The following ACO2 variants were observed in gnomAD, a reference collection of about 807,000 sequenced individuals.
ACO2 encodes aconitase 2, also known as aconitate hydratase, mitochondrial.
A neutral mutation model predicts 84.5 loss-of-function variants in ACO2; 31 were observed. That is an observed-to-expected ratio of 0.37 (90% CI 0.28 to 0.50). ACO2 has a LOEUF of 0.50. Ranked by LOEUF, ACO2 falls within the 20% of genes least tolerant of loss-of-function variation. The probability of loss-of-function intolerance (pLI) is 0.97; values close to 1 mark genes in which losing one functional copy is unlikely to be tolerated. For synonymous variants in ACO2, 414 were observed against 412.7 expected (o/e 1.00, Z -0.04); for missense variants, 685 against 1,029.3 (o/e 0.67, Z 4.58).
intron 1 of ACO2, among the ~76,000 whole-genome samples, chr22:41,473,341 AT>A (rs1214631199): frequency 7.2e-5 from 11 of 152,298 alleles, no homozygotes; most frequent in Admixed American, 7.2e-4. Context: ...CCAATAGCTA[AT>A]AAAAACACAA....
In ACO2 at chr22:41,524,958, T is replaced by C; in HGVS notation, c.1595T>C (p.Leu532Pro). 1.2e-6 allele frequency: 2 copies of C among 1,614,154 alleles called. No homozygotes were observed. The highest frequency in any genetic ancestry group is 1.7e-6 in the Non-Finnish European group (2 of 1,180,022). ...CTGGAGGCTCCGGATGCAGATGAGC[T>C]TCCCAAAGGGGTGAGCGCCCACGCC... ...FRLEAPDADE[L>P]PKGEFDPGQD... Residue 532 changes from leucine to proline, a missense_variant, in exon 13 of 18, where the codon CTT (leucine) becomes CCT (proline). By Grantham distance (98) the Leu-to-Pro change is moderately conservative. Coordinates refer to ENST00000216254, the MANE Select transcript of ACO2 (RefSeq NM_001098.3).
rs181755513 is a variant in ACO2 at position 41,527,585 on chromosome 22, C to T, written c.2086+165C>T. ...TTAGGCTCACACAGTGCACATCCGA[C>T]GCTCAGCTTCCCGGCTTCCCGCAGG... is the stretch of plus-strand genomic sequence containing the variant. On this transcript the variant is annotated intron_variant, in intron 16 of 17. Transcript: ENST00000216254. 1.2e-4 allele frequency: 118 copies of T among 1,015,220 alleles called. No homozygotes were observed. The African/African-American group carries it at 1.3e-3, about 11-fold the overall frequency. The allele number at this position is 1,015,220 out of a possible 1,614,324, so 62.9% of individuals were successfully genotyped here.
At position 41,515,424 on chromosome 22, in the gene ACO2, T is replaced by C. The variant is rs527722269; in HGVS notation, c.573T>C (p.Thr191=). 1.4e-4 allele frequency: 220 copies of C among 1,613,672 alleles called. No individual in the cohort carries two copies. Among genetic ancestry groups the C allele is most frequent in the Middle Eastern group, 1.0e-3 (6 of 5,734 alleles). ...YAYPGVLLIG[T]DSHTPNGGGL... is the part of the protein sequence containing the mutation. Reference sequence around the variant, plus strand: ...ACCCTGGTGTTCTTCTGATTGGCACTGACTCCCACACCCCCAATGGTGGCG... The same window carrying C: ...ACCCTGGTGTTCTTCTGATTGGCACCGACTCCCACACCCCCAATGGTGGCG... The change falls in exon 5 of 18, where the codon ACT becomes ACC. Residue 191 remains threonine, a synonymous_variant. Transcript: ENST00000216254. The surrounding 1 kb of genome is among the most constrained non-coding windows in gnomAD (Gnocchi z 5.8).
chr22:41,499,683 C>T, intron 1 of ACO2, 43 bp from the exon 2 acceptor site: 2 of 1,601,850 alleles, frequency 1.2e-6, no homozygotes, highest in Non-Finnish European at 1.7e-6. Context: ...ATGGACTCTC[C>T]TAAGTGCTCC....
Position 41,511,891 on chromosome 22 carries a change from G to A in ACO2, c.448G>A (p.Val150Ile). 6.2e-7 allele frequency: 1 copy of A among 1,609,612 alleles called. No homozygotes were observed. ...GTCTCAATAGGACATCAACCAGGAA[G>A]TTTATAATTTCCTGGCAACTGCAGG... ...LRRAKDINQE[V>I]YNFLATAGAK... is the part of the protein sequence containing the mutation. Residue 150 changes from valine to isoleucine, a missense_variant, in exon 4 of 18, where the codon GTT (valine) becomes ATT (isoleucine). Transcript: ENST00000216254.
At chr22:41,524,776 G>A (rs1368535822) in intron 12 of ACO2, 70 bp from the exon 13 acceptor site, 23 of 1,602,674 alleles carry the variant, frequency 1.4e-5, no homozygotes, top group Non-Finnish European at 2.0e-5. Context: ...TTTGGCCTAG[G>A]CTTTTGGTAG....
rs769265393 is a variant in ACO2 at position 41,526,232 on chromosome 22, G to A, written c.1762-30G>A. Reference sequence around the variant, plus strand: ...ATCCACCCCTCCAGGGCCATGCCCTGACCTCTGTCCTCTCTACTTACCACC... The same window carrying A: ...ATCCACCCCTCCAGGGCCATGCCCTAACCTCTGTCCTCTCTACTTACCACC... On this transcript the variant is annotated intron_variant, in intron 14 of 17. Transcript: ENST00000216254. The A allele has an allele frequency of 4.4e-6, 7 of 1,597,140 alleles. No individual in the cohort carries two copies. In the African/African-American group the frequency reaches 6.7e-5, roughly 15 times the overall value.
At chr22:41,513,813 AC>A (rs928020783) in intron 4 of ACO2, among the ~76,000 whole-genome samples, 2 of 151,230 alleles carry the variant, frequency 1.3e-5, no homozygotes, top group African/African-American at 4.9e-5. Context: ...CCCAGCCCTC[AC>A]CCCCATCTGT....
At chr22:41,469,337 T>C in intron 1 of ACO2, 155 bp downstream of exon 1, 1 of 879,454 alleles carries the variant, frequency 1.1e-6, no homozygotes, top group Non-Finnish European at 1.7e-6. Context: ...CCCGCTTCTC[T>C]GGTGCCCTAG....
At chr22:41,527,601 T>C (rs1017816969) in intron 16 of ACO2, 181 bp downstream of exon 16, 1 of 919,914 alleles carries the variant, frequency 1.1e-6, no homozygotes. Flanking sequence ...GCTTCCCGGC[T>C]TCCCGCAGGC....
At chr22:41,501,552 T>C (rs887625583) in intron 2 of ACO2, among the ~76,000 whole-genome samples, 1 of 152,178 alleles carries the variant, frequency 6.6e-6, no homozygotes, top group Non-Finnish European at 1.5e-5. Flanking sequence ...CTTTGATTGA[T>C]TGGAACCTGA....
At chr22:41,474,259 A>AT (rs1052725476) in intron 1 of ACO2, among the ~76,000 whole-genome samples, 1 of 147,914 alleles carries the variant, frequency 6.8e-6, no homozygotes, top group Non-Finnish European at 1.5e-5. Flanking sequence ...GGTGAGCTTG[A>AT]TTGAATTCAG....
chr22:41,477,236 C>T (rs2038028032), intron 1 of ACO2, among the ~76,000 whole-genome samples: 1 of 151,632 alleles, frequency 6.6e-6, no homozygotes, highest in African/African-American at 2.4e-5. Context: ...TCAGTTCAAG[C>T]TCCGCCTCCC....
At chr22:41,527,667 G>A (rs1460495201) in intron 16 of ACO2, 2 of 789,900 alleles carry the variant, frequency 2.5e-6, no homozygotes, top group Non-Finnish European at 2.0e-6. Context: ...GTGCCAGGGG[G>A]TTCTTTCTGA....
intron 1 of ACO2, among the ~76,000 whole-genome samples, chr22:41,472,402 G>A (rs940846085): frequency 1.3e-5 from 2 of 151,960 alleles, no homozygotes; most frequent in Non-Finnish European, 2.9e-5. Flanking sequence ...GTTGTTAGTA[G>A]GTATGGTTTG....
chr22:41,515,630 C>A lies in ACO2; in HGVS notation c.684+95C>A. On this transcript the variant is annotated intron_variant, in intron 5 of 17. Transcript: ENST00000216254. This position sits in a 1 kb window ranked among gnomAD's most constrained non-coding sequence, Gnocchi z 5.8. ...GTGGGACCCAGGAGGGAAAAGGGAA[C>A]AAGTTAGACTCGAATCTTCTGGGAG... is the stretch of plus-strand genomic sequence containing the variant. 2 of 1,576,148 alleles carry A rather than the reference C, an allele frequency of 1.3e-6. No individual in the cohort carries two copies. Among genetic ancestry groups the A allele is most frequent in the Non-Finnish European group, 1.7e-6 (2 of 1,158,356 alleles).
intron 1 of ACO2, among the ~76,000 whole-genome samples, chr22:41,488,595 G>A (rs751404059): frequency 3.3e-5 from 5 of 152,148 alleles, no homozygotes; most frequent in African/African-American, 9.7e-5. Flanking sequence ...TCTCATGTGC[G>A]TTCTGGGGCA....
At chr22:41,509,813 G>GTATT (rs1160033144) in intron 3 of ACO2, among the ~76,000 whole-genome samples, 3 of 102,656 alleles carry the variant, frequency 2.9e-5, no homozygotes, top group African/African-American at 1.1e-4. Context: ...AAAGAATATG[G>GTATT]TCTTTTTTTT....
chr22:41,503,747 TG>T (rs1421627983), intron 2 of ACO2, among the ~76,000 whole-genome samples: 1 of 152,124 alleles, frequency 6.6e-6, no homozygotes, highest in Non-Finnish European at 1.5e-5. Context: ...ATAACTTGGC[TG>T]GGGTTGGGGC....
Sources: allele counts gnomAD v4.1 joint callset (sites outside exome capture counted in the v4.1 genomes callset), GRCh38; gene constraint gnomAD v4.1.1; non-coding constraint Gnocchi (gnomAD v3.1); transcripts MANE v1.5; gene names NCBI Gene and HGNC (gene_info 2026-07-23, HGNC 2026-07-21).